Variants in TBC1D22B observed in about 807,000 individuals in gnomAD.
TBC1D22B encodes chromosome 6 open reading frame 197.
TBC1D22B carries 32 observed loss-of-function variants against 69.1 expected under a neutral mutation model. The ratio of observed to expected loss-of-function variants is 0.46; its 90% CI spans 0.35 to 0.62. TBC1D22B has a LOEUF of 0.62. Ranked by LOEUF, TBC1D22B falls within the 20% of genes least tolerant of loss-of-function variation. The probability of loss-of-function intolerance (pLI) is 0.00; values close to 1 mark genes in which losing one functional copy is unlikely to be tolerated. For synonymous variants in TBC1D22B, 206 were observed against 229.8 expected, an observed-to-expected ratio of 0.90 and a Z score of 0.94; for missense variants, 462 against 630.9, an observed-to-expected ratio of 0.73 and a Z score of 2.87.
intron 1 of TBC1D22B, among the ~76,000 whole-genome samples, chr6:37,261,498 G>C (rs143981116): frequency 1.5e-4 from 22 of 150,886 alleles, no homozygotes; most frequent in African/African-American, 5.1e-4. Context: ...TCCCAGCTCT[G>C]CTTTCTAGCT....
At chr6:37,302,905 T>C (rs1393351211) in intron 8 of TBC1D22B, among the ~76,000 whole-genome samples, 1 of 152,212 alleles carries the variant, frequency 6.6e-6, no homozygotes, top group African/African-American at 2.4e-5. Context: ...TATCTGCTGC[T>C]CCAAAATATC....
At chr6:37,295,955 G>C (rs1251481437) in intron 8 of TBC1D22B, among the ~76,000 whole-genome samples, 1 of 152,232 alleles carries the variant, frequency 6.6e-6, no homozygotes, top group Non-Finnish European at 1.5e-5. Context: ...TCTTGTTTAA[G>C]AAATTGTCAC....
chr6:37,277,984 C>T (rs952763327), intron 2 of TBC1D22B, among the ~76,000 whole-genome samples: 10 of 150,946 alleles, frequency 6.6e-5, no homozygotes, highest in Non-Finnish European at 1.5e-4. Flanking sequence ...AAAAGCTAGA[C>T]ATGGTGGTGT....
intron 1 of TBC1D22B, among the ~76,000 whole-genome samples, chr6:37,268,145 T>C (rs974163635): frequency 6.6e-6 from 1 of 152,218 alleles, no homozygotes; most frequent in African/African-American, 2.4e-5. Context: ...AGTTCTTACA[T>C]GTTGAAAAGT....
chr6:37,281,037 A>G (rs1357626503), intron 3 of TBC1D22B, among the ~76,000 whole-genome samples: 3 of 152,338 alleles, frequency 2.0e-5, no homozygotes, highest in African/African-American at 7.2e-5. Context: ...TGGTTGGTTG[A>G]TAGTCACTGT....
intron 1 of TBC1D22B, among the ~76,000 whole-genome samples, chr6:37,261,797 G>A (rs1179951354): frequency 1.3e-5 from 2 of 151,910 alleles, no homozygotes; most frequent in African/African-American, 2.4e-5. Flanking sequence ...CACTTTGGGA[G>A]GCTGAGACAG....
At chr6:37,262,024 A>AG (rs1331436253) in intron 1 of TBC1D22B, among the ~76,000 whole-genome samples, 1 of 129,390 alleles carries the variant, frequency 7.7e-6, no homozygotes, top group Admixed American at 8.9e-5. Flanking sequence ...GAGAAAAAAA[A>AG]AATCACCTTT....
intron 12 of TBC1D22B, among the ~76,000 whole-genome samples, chr6:37,322,787 T>C (rs550282805): frequency 6.6e-6 from 1 of 152,204 alleles, no homozygotes; most frequent in South Asian, 2.1e-4. Flanking sequence ...AAGCCCCCTG[T>C]GGTCAGTGCA....
chr6:37,317,563 G>A (rs1047459645), intron 12 of TBC1D22B, among the ~76,000 whole-genome samples: 11 of 152,304 alleles, frequency 7.2e-5, no homozygotes, highest in African/African-American at 2.4e-4. Context: ...TTCTCATAAA[G>A]CTTACGTACT....
intron 12 of TBC1D22B, among the ~76,000 whole-genome samples, chr6:37,326,376 C>CAAAAAA (rs10651731): frequency 1.7e-5 from 2 of 115,908 alleles, no homozygotes; most frequent in East Asian, 2.5e-4. Flanking sequence ...GACTGCGCCT[C>CAAAAAA]AAAAAAAAAA....
intron 12 of TBC1D22B, among the ~76,000 whole-genome samples, chr6:37,330,472 C>T (rs1004656579): frequency 6.6e-6 from 1 of 151,930 alleles, no homozygotes; most frequent in Non-Finnish European, 1.5e-5. Context: ...CTCCTGACCT[C>T]GCGATCCATC....
intron 11 of TBC1D22B, 62 bp downstream of exon 11, chr6:37,316,892 A>G: frequency 6.2e-7 from 1 of 1,607,886 alleles, no homozygotes; most frequent in Admixed American, 1.7e-5. Context: ...GCTCTCTGCC[A>G]TGTTGTGGAA....
intron 8 of TBC1D22B, among the ~76,000 whole-genome samples, chr6:37,307,003 CCT>C (rs1395452929): frequency 2.0e-5 from 3 of 152,232 alleles, no homozygotes; most frequent in African/African-American, 4.8e-5. Flanking sequence ...ACCAGCTCCC[CCT>C]GTCTTTGTCA....
At chr6:37,274,500 CACTTCTT>C (rs1249042159) in intron 2 of TBC1D22B, among the ~76,000 whole-genome samples, 1 of 152,190 alleles carries the variant, frequency 6.6e-6, no homozygotes, top group African/African-American at 2.4e-5. Flanking sequence ...GTATTCCCTG[CACTTCTT>C]AAATCTCTTT....
At chr6:37,329,373 A>G (rs1368230632) in intron 12 of TBC1D22B, among the ~76,000 whole-genome samples, 4 of 152,164 alleles carry the variant, frequency 2.6e-5, no homozygotes, top group Admixed American at 6.5e-5. Context: ...CAGATAATCC[A>G]TGGTTTATCT....
intron 2 of TBC1D22B, among the ~76,000 whole-genome samples, chr6:37,278,647 G>T (rs1297320349): frequency 1.3e-5 from 2 of 152,072 alleles, no homozygotes; most frequent in Non-Finnish European, 2.9e-5. Context: ...GAAAAGCTAT[G>T]GATCAGGCAT....
intron 7 of TBC1D22B, among the ~76,000 whole-genome samples, chr6:37,289,021 T>G (rs1404994049): frequency 6.6e-6 from 1 of 152,060 alleles, no homozygotes; most frequent in East Asian, 1.9e-4. Context: ...CCCAAGTAGC[T>G]GGGGCTGCAA....
chr6:37,285,237 A>G (rs1766965081), intron 6 of TBC1D22B, among the ~76,000 whole-genome samples: 1 of 149,942 alleles, frequency 6.7e-6, no homozygotes, highest in Non-Finnish European at 1.5e-5. Flanking sequence ...GAAATGGACT[A>G]TAGTGATGTC....
At chr6:37,261,432 CA>C (rs56999111) in intron 1 of TBC1D22B, among the ~76,000 whole-genome samples, 13,520 of 75,890 alleles carry the variant, frequency 0.18, 555 homozygotes, top group Middle Eastern at 0.2. Flanking sequence ...AGATTGTCTC[CA>C]AAAAAAAAAA....
Sources: allele counts gnomAD v4.1 joint callset (sites outside exome capture counted in the v4.1 genomes callset), GRCh38; gene constraint gnomAD v4.1.1; transcripts MANE v1.5; gene names NCBI Gene and HGNC (gene_info 2026-07-23, HGNC 2026-07-21).